The following SLAIN1 variants were observed in gnomAD, a reference collection of about 807,000 sequenced individuals.
SLAIN1 encodes SLAIN motif-containing protein 1.
SLAIN1 carries 17 observed loss-of-function variants against 55.4 expected under a neutral mutation model. That is an observed-to-expected ratio of 0.31 (90% CI 0.21 to 0.46). The LOEUF is 0.46. Ranked by LOEUF, SLAIN1 falls within the 20% of genes least tolerant of loss-of-function variation. The probability of loss-of-function intolerance (pLI) is 1.00; values close to 1 mark genes in which losing one functional copy is unlikely to be tolerated. For synonymous variants in SLAIN1, 348 were observed against 337.4 expected (o/e 1.03, Z -0.35); for missense variants, 682 against 785.1 (o/e 0.87, Z 1.57).
At chr13:77,748,177 G>C (rs1012181863) in intron 4 of SLAIN1, among the ~76,000 whole-genome samples, 1 of 149,406 alleles carries the variant, frequency 6.7e-6, no homozygotes. Flanking sequence ...CATTCATGCT[G>C]ATGCTAATTA....
At position 77,698,467 on chromosome 13, in the gene SLAIN1, C is replaced by A; in HGVS notation, c.554C>A (p.Thr185Lys). 6.9e-7 allele frequency: 1 copy of A among 1,446,762 alleles called. No individual in the cohort carries two copies. Among genetic ancestry groups the A allele is most frequent in the East Asian group, 3.0e-5 (1 of 33,054 alleles). 89.6% of individuals were successfully genotyped at this position (1,446,762 alleles called of 1,614,324 possible). A position where few individuals can be genotyped will look rare whatever the true frequency, so the allele number is the denominator to read the frequency against. The change falls in exon 1 of 7, where the codon ACG becomes AAG. Residue 185 changes from threonine (T) to lysine (K), a missense_variant. This residue lies in a region of SLAIN1 where 401 missense variants were observed against 417.3 expected (regional missense o/e 0.96). Coordinates refer to ENST00000418532, the MANE Select transcript of SLAIN1 (RefSeq NM_001242868.2). The surrounding 1 kb of genome is among the most constrained non-coding windows in gnomAD (Gnocchi z 4.1). ...AAAAPPSPPP[T>K]LLDEVELLDL... Reference sequence around the variant, plus strand: ...GCAGCGCCGCCCTCGCCGCCCCCCACGCTGCTGGACGAGGTGGAATTGCTG... The same window carrying A: ...GCAGCGCCGCCCTCGCCGCCCCCCAAGCTGCTGGACGAGGTGGAATTGCTG...
intron 2 of SLAIN1, chr13:77,741,376 A>G: frequency 1.0e-6 from 1 of 987,462 alleles, no homozygotes; most frequent in African/African-American, 1.7e-5. Context: ...ACCTACATAG[A>G]AGAGAAGGAA....
chr13:77,749,603 C>G (rs1874068974), intron 4 of SLAIN1, among the ~76,000 whole-genome samples: 1 of 152,266 alleles, frequency 6.6e-6, no homozygotes, highest in South Asian at 2.1e-4. Flanking sequence ...TTTACTTGGT[C>G]TATTCTTCCA....
At chr13:77,735,001 C>T (rs566444052) in intron 2 of SLAIN1, among the ~76,000 whole-genome samples, 4 of 152,028 alleles carry the variant, frequency 2.6e-5, no homozygotes, top group Admixed American at 2.0e-4. Flanking sequence ...GCCTGGGTGT[C>T]AGAGTGAGAC....
intron 4 of SLAIN1, among the ~76,000 whole-genome samples, chr13:77,748,778 AAGTCC>A (rs1874013428): frequency 6.6e-6 from 1 of 152,196 alleles, no homozygotes; most frequent in African/African-American, 2.4e-5. Context: ...AGAGGCTCTG[AAGTCC>A]AGTAGATCCT....
At chr13:77,737,708 C>T (rs560385306) in intron 2 of SLAIN1, among the ~76,000 whole-genome samples, 1 of 152,206 alleles carries the variant, frequency 6.6e-6, no homozygotes, top group South Asian at 2.1e-4. Flanking sequence ...TTAATGTCTC[C>T]TGAAGTGTTT....
At chr13:77,740,021 T>C (rs1873337364) in intron 2 of SLAIN1, among the ~76,000 whole-genome samples, 1 of 152,008 alleles carries the variant, frequency 6.6e-6, no homozygotes, top group African/African-American at 2.4e-5. Flanking sequence ...AAGATGATTG[T>C]CAGACAAGGG....
chr13:77,714,906 C>T (rs986232675), intron 1 of SLAIN1, among the ~76,000 whole-genome samples: 3 of 152,096 alleles, frequency 2.0e-5, no homozygotes, highest in Non-Finnish European at 4.4e-5. Context: ...TTAGATTAGT[C>T]ACCCAGACTG....
chr13:77,711,275 T>C (rs1039844882), intron 1 of SLAIN1, among the ~76,000 whole-genome samples: 8 of 152,140 alleles, frequency 5.3e-5, no homozygotes, highest in African/African-American at 1.9e-4. Context: ...AAAAAGTTAA[T>C]GAATCCAGGA....
chr13:77,717,634 A>C (rs2091221141), intron 1 of SLAIN1, among the ~76,000 whole-genome samples: 2 of 152,156 alleles, frequency 1.3e-5, no homozygotes, highest in African/African-American at 4.8e-5. Context: ...ATTTTCTCTC[A>C]GTTTCTGTTG....
At chr13:77,719,971 T>C (rs2091246132) in intron 2 of SLAIN1, among the ~76,000 whole-genome samples, 1 of 152,108 alleles carries the variant, frequency 6.6e-6, no homozygotes. Flanking sequence ...AAATTGTCAG[T>C]TATCAGTGCT....
At chr13:77,760,681 C>A in intron 5 of SLAIN1, 147 bp from the exon 6 acceptor site, 1 of 813,018 alleles carries the variant, frequency 1.2e-6, no homozygotes, top group Non-Finnish European at 1.9e-6. Flanking sequence ...TTCCATTTCT[C>A]AGTGCTGTCT....
At chr13:77,700,463 A>G (rs767172159) in intron 1 of SLAIN1, among the ~76,000 whole-genome samples, 7 of 152,226 alleles carry the variant, frequency 4.6e-5, no homozygotes, top group Non-Finnish European at 1.0e-4. Flanking sequence ...TCCAGGTGGA[A>G]AAACAAGGAG....
intron 1 of SLAIN1, among the ~76,000 whole-genome samples, chr13:77,709,370 A>G (rs2091123287): frequency 2.0e-5 from 3 of 152,210 alleles, no homozygotes; most frequent in Non-Finnish European, 4.4e-5. Flanking sequence ...TTCCCAACCT[A>G]GCAAGACAGG....
intron 5 of SLAIN1, among the ~76,000 whole-genome samples, chr13:77,755,841 A>G (rs1874562894): frequency 6.6e-6 from 1 of 152,148 alleles, no homozygotes; most frequent in Non-Finnish European, 1.5e-5. Flanking sequence ...GGACTCTCAT[A>G]ACTTTTGTTT....
intron 3 of SLAIN1, chr13:77,744,639 A>G: frequency 2.9e-6 from 2 of 690,570 alleles, no homozygotes; most frequent in East Asian, 5.4e-5. Context: ...ACATTGATAC[A>G]TGGACATTGC....
chr13:77,708,819 A>G (rs1483309897), intron 1 of SLAIN1, among the ~76,000 whole-genome samples: 1 of 152,152 alleles, frequency 6.6e-6, no homozygotes, highest in African/African-American at 2.4e-5. Flanking sequence ...AACAGTGCAA[A>G]AAGGCTGAAA....
chr13:77,718,980 A>G (rs1464018191), intron 1 of SLAIN1, among the ~76,000 whole-genome samples: 1 of 152,142 alleles, frequency 6.6e-6, no homozygotes, highest in Non-Finnish European at 1.5e-5. Context: ...GCTTTAATGA[A>G]AAAGAAACAT....
intron 1 of SLAIN1, among the ~76,000 whole-genome samples, chr13:77,703,323 T>C (rs537694902): frequency 6.6e-6 from 1 of 152,278 alleles, no homozygotes; most frequent in Non-Finnish European, 1.5e-5. Context: ...GCTAACATCA[T>C]TGCCAATTTT....
Sources: allele counts gnomAD v4.1 joint callset (sites outside exome capture counted in the v4.1 genomes callset), GRCh38; gene constraint gnomAD v4.1.1; regional missense constraint gnomAD v4.1.1; non-coding constraint Gnocchi (gnomAD v3.1); transcripts MANE v1.5; gene names NCBI Gene and HGNC (gene_info 2026-07-23, HGNC 2026-07-21).